The following DTNA variants were observed in gnomAD, a reference collection of about 807,000 sequenced individuals.
The protein encoded by DTNA is dystrobrevin alpha.
A neutral mutation model predicts 100.7 loss-of-function variants in DTNA; 43 were observed. That is an observed-to-expected ratio of 0.43 (90% confidence interval 0.33 to 0.55). The LOEUF is 0.55. Ranked by LOEUF, DTNA falls within the 20% of genes least tolerant of loss-of-function variation. The probability of loss-of-function intolerance (pLI) is 0.04; values close to 1 mark genes in which losing one functional copy is unlikely to be tolerated. For missense variants in DTNA, 798 were observed against 953.9 expected (o/e 0.84, Z 2.15); for synonymous variants, 349 against 347.9 (o/e 1.00, Z -0.04).
chr18:34,543,662 A>G (rs1307119182), intron 1 of DTNA, among the ~76,000 whole-genome samples: 5 of 152,154 alleles, frequency 3.3e-5, no homozygotes, highest in Non-Finnish European at 5.9e-5. Flanking sequence ...TTTCTGGAAT[A>G]TAGCAAGCCC....
chr18:34,712,341 T>G (rs1462518586), intron 1 of DTNA, among the ~76,000 whole-genome samples: 3 of 152,124 alleles, frequency 2.0e-5, no homozygotes, highest in African/African-American at 7.2e-5. Context: ...TATTTCACTA[T>G]TCCATCTTTA....
intron 1 of DTNA, among the ~76,000 whole-genome samples, chr18:34,526,137 A>T (rs895204961): frequency 1.3e-5 from 2 of 152,178 alleles, no homozygotes; most frequent in Non-Finnish European, 2.9e-5. Context: ...TCAAAGATCC[A>T]TTATTCACTT....
chr18:34,678,749 G>A (rs537214160), intron 1 of DTNA, among the ~76,000 whole-genome samples: 16 of 152,144 alleles, frequency 1.1e-4, no homozygotes, highest in South Asian at 4.2e-4. Flanking sequence ...GCATTGGGGC[G>A]GGCAGTCTAG....
At chr18:34,533,303 C>CA (rs1313929341) in intron 1 of DTNA, among the ~76,000 whole-genome samples, 1 of 148,892 alleles carries the variant, frequency 6.7e-6, no homozygotes, top group Non-Finnish European at 1.5e-5. Flanking sequence ...ACCCGGGAGG[C>CA]GAGGTTACAG....
At chr18:34,858,839 G>T (rs532387812) in intron 16 of DTNA, among the ~76,000 whole-genome samples, 1 of 152,034 alleles carries the variant, frequency 6.6e-6, no homozygotes, top group South Asian at 2.1e-4. Flanking sequence ...GCAAACTCCT[G>T]ACCTCAGGTG....
chr18:34,586,303 T>G (rs975597332), intron 1 of DTNA, among the ~76,000 whole-genome samples: 2 of 152,184 alleles, frequency 1.3e-5, no homozygotes, highest in Admixed American at 6.5e-5. Context: ...AAGGGTAGAT[T>G]ATTAGGTCAT....
At chr18:34,756,636 T>C (rs575101051) in intron 2 of DTNA, among the ~76,000 whole-genome samples, 1 of 152,304 alleles carries the variant, frequency 6.6e-6, no homozygotes, top group East Asian at 1.9e-4. Context: ...AGAGTTGACC[T>C]GCTACACAAG....
chr18:34,602,864 G>C (rs1349761806), intron 1 of DTNA, among the ~76,000 whole-genome samples: 1 of 151,802 alleles, frequency 6.6e-6, no homozygotes, highest in Non-Finnish European at 1.5e-5. Flanking sequence ...TCAGCCGGGC[G>C]TGGTGGCAGG....
chr18:34,494,515 G>C (rs2038964642), intron 1 of DTNA, among the ~76,000 whole-genome samples: 1 of 152,138 alleles, frequency 6.6e-6, no homozygotes, highest in Non-Finnish European at 1.5e-5. Context: ...TCTGTCAAAA[G>C]ACCAAAGCCA....
chr18:34,561,895 T>C (rs1598596753), intron 1 of DTNA, among the ~76,000 whole-genome samples: 1 of 152,214 alleles, frequency 6.6e-6, no homozygotes, highest in African/African-American at 2.4e-5. Context: ...TATCTACTTA[T>C]ACTTGTGCCG....
At chr18:34,671,256 G>A (rs183473025) in intron 1 of DTNA, among the ~76,000 whole-genome samples, 238 of 152,290 alleles carry the variant, frequency 1.6e-3, no homozygotes, top group African/African-American at 5.4e-3. Flanking sequence ...CTCCTGGTGT[G>A]CCATTTGCTA....
chr18:34,575,607 T>C (rs2146525801), intron 1 of DTNA, among the ~76,000 whole-genome samples: 1 of 152,338 alleles, frequency 6.6e-6, no homozygotes, highest in Non-Finnish European at 1.5e-5. Flanking sequence ...AAAGTAATTT[T>C]CCATTTCCCT....
In DTNA at chr18:34,573,558, G is replaced by A. The variant is rs142099440; in HGVS notation, c.-2+80044G>A. Among the ~76,000 whole-genome samples, 273 of 152,240 alleles carry A rather than the reference G, an allele frequency of 1.8e-3. 2 individuals carry two copies. Among genetic ancestry groups the A allele is most frequent in the African/African-American group, 6.0e-3 (250 of 41,528 alleles). ...TGGGTAAAGGACTGGATAAAGGGTA[G>A]GCTCTTTTTTATTCTTCTAATTGAA... is the stretch of plus-strand genomic sequence containing the variant. On this transcript the variant is annotated intron_variant, in intron 1 of 19. Coordinates refer to the DTNA transcript ENST00000283365.
In DTNA at chr18:34,746,530, C is replaced by T. The variant is rs149545231; in HGVS notation, c.-1-9446C>T. 2.6e-4 allele frequency among the ~76,000 whole-genome samples: 39 copies of T among 152,136 alleles called. No homozygotes were observed. In the East Asian group the frequency reaches 5.0e-3, roughly 20 times the overall value. ...GCACACATGTACACAGTCATTCTGCCAAGATACATCGTATTGAATAAAACA... is the reference window on the plus strand; with the variant it reads ...GCACACATGTACACAGTCATTCTGCTAAGATACATCGTATTGAATAAAACA... On this transcript the variant is annotated intron_variant, in intron 1 of 22. Transcript: ENST00000444659.
intron 4 of DTNA, among the ~76,000 whole-genome samples, chr18:34,799,045 A>G (rs1490243436): frequency 2.0e-5 from 3 of 152,240 alleles, no homozygotes; most frequent in Non-Finnish European, 4.4e-5. Flanking sequence ...TCTGATGCTT[A>G]CATTCCTAAT....
chr18:34,586,245 T>A (rs1349972778), intron 1 of DTNA, among the ~76,000 whole-genome samples: 1 of 152,204 alleles, frequency 6.6e-6, no homozygotes, highest in African/African-American at 2.4e-5. Flanking sequence ...CCAAAACTCA[T>A]GTTGAGGCTT....
intron 1 of DTNA, among the ~76,000 whole-genome samples, chr18:34,596,916 A>G (rs543739473): frequency 1.8e-4 from 28 of 152,214 alleles, no homozygotes; most frequent in Non-Finnish European, 2.6e-4. Context: ...GGTTTGTTAC[A>G]TAGGGATACA....
chr18:34,717,273 G>A (rs148824033), intron 1 of DTNA, among the ~76,000 whole-genome samples: 374 of 152,294 alleles, frequency 2.5e-3, no homozygotes, highest in African/African-American at 8.1e-3. Flanking sequence ...AAATAGCCAC[G>A]TGTGTCTAGT....
At chr18:34,519,565 A>C (rs2145174491) in intron 1 of DTNA, among the ~76,000 whole-genome samples, 1 of 152,328 alleles carries the variant, frequency 6.6e-6, no homozygotes, top group African/African-American at 2.4e-5. Flanking sequence ...CAAGCCTAAA[A>C]TTCTTGTCCT....
Sources: allele counts gnomAD v4.1 joint callset (sites outside exome capture counted in the v4.1 genomes callset), GRCh38; gene constraint gnomAD v4.1.1; transcripts MANE v1.5; gene names NCBI Gene and HGNC (gene_info 2026-07-23, HGNC 2026-07-21).